SEC24C: variants seen among roughly 807,000 people sequenced by gnomAD.
SEC24C encodes protein transport protein Sec24C.
A neutral mutation model predicts 117.0 loss-of-function variants in SEC24C; 22 were observed. The observed-to-expected ratio is 0.19, with a 90% CI of 0.13 to 0.27. The LOEUF is 0.27. Among genes scored for constraint, SEC24C ranks in the 10% least tolerant of loss-of-function variants. The pLI, the probability that SEC24C is intolerant of heterozygous loss-of-function variation, is 1.00. For synonymous variants in SEC24C, 506 were observed against 529.4 expected, an observed-to-expected ratio of 0.96 and a Z score of 0.61; for missense variants, 1,155 against 1,375.1, an observed-to-expected ratio of 0.84 and a Z score of 2.53.
Position 73,769,627 on chromosome 10 carries a change from T to G in SEC24C, c.2576T>G (p.Val859Gly). 1 of 1,613,812 alleles carries G rather than the reference T, an allele frequency of 6.2e-7. No homozygotes were observed. The highest frequency in any genetic ancestry group is 8.5e-7 in the Non-Finnish European group (1 of 1,179,952). The change falls in exon 19 of 23, where the codon GTC (valine) becomes GGC (glycine). Residue 859 changes from valine to glycine, a missense_variant. Physicochemically the swap from Val to Gly is moderately radical, Grantham distance 109. Transcript: ENST00000345254. The surrounding 1 kb of genome is among the most constrained non-coding windows in gnomAD (Gnocchi z 4.5). ...CTTTCCCATCCAGCATATCGGGGAG[T>G]CCTGAATAGCCCTGTGAAGGCTGTT... ...NYMAKFAYRGVLNSPVKAVRD... is the reference protein window; with the variant it reads ...NYMAKFAYRGGLNSPVKAVRD...
chr10:73,769,352 C>A lies in SEC24C; in HGVS notation c.2430C>A (p.Ala810=). 1 of 1,613,894 alleles carries A rather than the reference C, an allele frequency of 6.2e-7. No homozygotes were observed. Among genetic ancestry groups the A allele is most frequent in the Non-Finnish European group, 8.5e-7 (1 of 1,179,940 alleles). ...CCCTTTCTCCTTTCCCCTAGTGTGC[C>A]CTGCTTTACACCAGCTGTGCAGGGC... ...NEESGALLQC[A]LLYTSCAGQR... Residue 810 remains alanine (A), a synonymous_variant, in exon 18 of 23, where the codon GCC becomes GCA. Coordinates refer to ENST00000345254, the MANE Select transcript of SEC24C (RefSeq NM_198597.3). The surrounding 1 kb of genome is among the most constrained non-coding windows in gnomAD (Gnocchi z 4.5).
chr10:73,763,846 CCTT>C lies in SEC24C; in HGVS notation c.1100-5_1100-3del, dbSNP rs765633941. The stretch of plus-strand genomic sequence containing the variant: ...GTGATCTGACTCGGGTCTTCTGCCT[CCTT>C]CTTCAGGGAATGCAAGTCCCCGATA... On this transcript the variant is annotated splice_polypyrimidine_tract_variant and splice_region_variant and intron_variant, in intron 7 of 22. Coordinates refer to ENST00000345254, the MANE Select transcript of SEC24C (RefSeq NM_198597.3). 5 of 1,612,926 alleles carry C rather than the reference CCTT, an allele frequency of 3.1e-6. No homozygotes were observed. In the South Asian group the frequency reaches 3.3e-5, roughly 11 times the overall value.
At chr10:73,763,649 A>C (rs188801987) in intron 7 of SEC24C, 48 bp downstream of exon 7, 1 of 435,668 alleles carries the variant, frequency 2.3e-6, no homozygotes, top group South Asian at 2.2e-5. Flanking sequence ...CTTCAAGATT[A>C]TCAGCTTATG....
In SEC24C at chr10:73,768,025, G is replaced by A; in HGVS notation, c.2181+18G>A. Reference sequence around the variant, plus strand: ...CCTTTCAGGTATGGTGTGGGATTTGGGGCAGCAGGTGGCAGCAGGGCTGGG... The same window carrying A: ...CCTTTCAGGTATGGTGTGGGATTTGAGGCAGCAGGTGGCAGCAGGGCTGGG... On this transcript the variant is annotated intron_variant, in intron 15 of 22. Transcript: ENST00000345254. 6.2e-7 allele frequency: 1 copy of A among 1,605,440 alleles called. No homozygotes were observed. The highest frequency in any genetic ancestry group is 1.1e-5 in the South Asian group (1 of 89,822).
chr10:73,770,485 G>A lies in SEC24C; in HGVS notation c.3054+14G>A, dbSNP rs1438644928. 1.9e-6 allele frequency: 3 copies of A among 1,613,550 alleles called. No individual in the cohort carries two copies. The highest frequency in any genetic ancestry group is 2.5e-6 in the Non-Finnish European group (3 of 1,179,646). The stretch of plus-strand genomic sequence containing the variant: ...ACCAGTGGTTTGGTGAGGGCAGGGA[G>A]TCAAGGAGAATATGGGTGTGGAAGT... On this transcript the variant is annotated intron_variant, in intron 21 of 22. Transcript: ENST00000345254.
Position 73,771,898 on chromosome 10 carries a change from T to G in SEC24C, c.*803T>G. On this transcript the variant is annotated 3_prime_UTR_variant, in exon 23 of 23. Transcript: ENST00000345254. ...AAACACTGCTTCTCCAGGCCCGGGGTTGTTGGGGAGAGAGGCAGAGGCAGC... is the reference window on the plus strand; with the variant it reads ...AAACACTGCTTCTCCAGGCCCGGGGGTGTTGGGGAGAGAGGCAGAGGCAGC... The G allele has an allele frequency of 1.9e-5, 3 of 159,370 alleles. No individual in the cohort carries two copies. Among genetic ancestry groups the G allele is most frequent in the Non-Finnish European group, 2.7e-5 (2 of 73,152 alleles). 9.9% of individuals were successfully genotyped at this position (159,370 alleles called of 1,614,324 possible).
chr10:73,750,130 A>G (rs923171418), intron 2 of SEC24C, among the ~76,000 whole-genome samples: 7 of 152,196 alleles, frequency 4.6e-5, no homozygotes, highest in Non-Finnish European at 5.9e-5. Flanking sequence ...CTTTGGCTGG[A>G]CAGAGTCCAC....
intron 1 of SEC24C, 53 bp from the exon 2 acceptor site, chr10:73,746,752 T>C (rs2132512848): frequency 7.8e-7 from 1 of 1,281,954 alleles, no homozygotes; most frequent in East Asian, 2.5e-5. Context: ...CTGCCCTGAA[T>C]AGTTGCTCTC....
chr10:73,761,981 T>G, intron 6 of SEC24C: 4 of 595,404 alleles, frequency 6.7e-6, no homozygotes, highest in South Asian at 6.4e-5. Context: ...CAATATGAGC[T>G]GGGCTCCAGC....
intron 6 of SEC24C, among the ~76,000 whole-genome samples, chr10:73,763,212 C>T (rs1183259550): frequency 6.6e-6 from 1 of 151,942 alleles, no homozygotes; most frequent in Non-Finnish European, 1.5e-5. Context: ...AGGGTGTTCA[C>T]CATTGATGGG....
intron 20 of SEC24C, 51 bp downstream of exon 20, chr10:73,770,066 TAGG>T: frequency 6.5e-7 from 1 of 1,543,528 alleles, no homozygotes; most frequent in African/African-American, 1.4e-5. Context: ...AAGGGCCTCT[TAGG>T]AGGAGGAAAG....
chr10:73,765,969 A>C, intron 10 of SEC24C, 54 bp downstream of exon 10: 1 of 1,585,468 alleles, frequency 6.3e-7, no homozygotes, highest in East Asian at 2.2e-5. Context: ...GAGACAGCTG[A>C]GAATGGCTGT....
intron 6 of SEC24C, chr10:73,762,227 C>A: frequency 8.9e-7 from 1 of 1,128,514 alleles, no homozygotes; most frequent in Non-Finnish European, 1.2e-6. Flanking sequence ...TCCATGCATG[C>A]CTGTGACCTC....
In SEC24C at chr10:73,760,330, G is replaced by A. The variant is rs1427444616; in HGVS notation, c.794G>A (p.Gly265Glu). ...PPGTQMTGPL[G>E]PLPPMHSPQQ... is the part of the protein sequence containing the mutation. Reference sequence around the variant, plus strand: ...GGCACCCAGATGACTGGGCCCCTGGGACCACTGCCACCTATGCACTCCCCG... The same window carrying A: ...GGCACCCAGATGACTGGGCCCCTGGAACCACTGCCACCTATGCACTCCCCG... The change falls in exon 5 of 23, where the codon GGA becomes GAA. Residue 265 changes from glycine to glutamate, a missense_variant. Gly to Glu is a moderately conservative substitution (Grantham distance 98, BLOSUM62 -2). This residue lies in a region of SEC24C where 396 missense variants were observed against 382.8 expected (regional missense o/e 1.03). Transcript: ENST00000345254. 6.2e-7 allele frequency: 1 copy of A among 1,611,444 alleles called. No homozygotes were observed. The highest frequency in any genetic ancestry group is 1.1e-5 in the South Asian group (1 of 91,070).
chr10:73,763,663 G>A (rs1022864657), intron 7 of SEC24C, 62 bp downstream of exon 7: 78 of 384,742 alleles, frequency 2.0e-4, no homozygotes, highest in African/African-American at 2.0e-3. Context: ...GCTTATGGTT[G>A]GGGCTTTTTT....
At chr10:73,754,103 T>C (rs1019533419) in intron 3 of SEC24C, among the ~76,000 whole-genome samples, 5 of 152,100 alleles carry the variant, frequency 3.3e-5, no homozygotes, top group Non-Finnish European at 5.9e-5. Flanking sequence ...TTATAAGTAA[T>C]CTAGAGATGA....
chr10:73,759,727 G>T lies in SEC24C; in HGVS notation c.414G>T (p.Thr138=), dbSNP rs11000770. 1 of 1,610,010 alleles carries T rather than the reference G, an allele frequency of 6.2e-7. No homozygotes were observed. The highest frequency in any genetic ancestry group is 1.3e-5 in the African/African-American group (1 of 74,848). ...GPPPTSAQVA[T]QLSGMQISGA... ...CCCCGACAAGTGCACAGGTGGCTAC[G>T]CAGCTGTCTGGAATGCAGATCAGCG... Residue 138 remains threonine (T), a synonymous_variant, in exon 4 of 23, where the codon ACG becomes ACT. Coordinates refer to ENST00000345254, the MANE Select transcript of SEC24C (RefSeq NM_198597.3).
At chr10:73,768,623 C>T (rs2082921583) in intron 15 of SEC24C, among the ~76,000 whole-genome samples, 187 bp from the exon 16 acceptor site, 1 of 152,176 alleles carries the variant, frequency 6.6e-6, no homozygotes, top group East Asian at 1.9e-4. Flanking sequence ...ATATGTAAAG[C>T]ACTCTGTGTG....
At chr10:73,757,754 TA>T (rs1278329933) in intron 3 of SEC24C, among the ~76,000 whole-genome samples, 1 of 147,830 alleles carries the variant, frequency 6.8e-6, no homozygotes, top group African/African-American at 2.5e-5. Flanking sequence ...CTACAAAAAA[TA>T]AAAAAAATTA....
Sources: allele counts gnomAD v4.1 joint callset (sites outside exome capture counted in the v4.1 genomes callset), GRCh38; gene constraint gnomAD v4.1.1; regional missense constraint gnomAD v4.1.1; non-coding constraint Gnocchi (gnomAD v3.1); transcripts MANE v1.5; gene names NCBI Gene and HGNC (gene_info 2026-07-23, HGNC 2026-07-21).